Variants in ATG7 observed in about 807,000 individuals in gnomAD.
ATG7 encodes the protein ubiquitin-like modifier-activating enzyme ATG7.
In ATG7, 70 loss-of-function variants were observed where a neutral mutation model predicts 82.4. The observed-to-expected ratio is 0.85, with a 90% CI of 0.70 to 1.04. ATG7 has a LOEUF of 1.04. ATG7 is among the 50% of genes least tolerant of loss of function. The probability of loss-of-function intolerance (pLI) is 0.00; values close to 1 mark genes in which losing one functional copy is unlikely to be tolerated. For synonymous variants in ATG7, 287 were observed against 313.0 expected, an observed-to-expected ratio of 0.92 and a Z score of 0.88; for missense variants, 792 against 864.3, an observed-to-expected ratio of 0.92 and a Z score of 1.05.
At position 11,372,038 on chromosome 3, in the gene ATG7, G is replaced by A. The variant is rs377067652; in HGVS notation, c.1875+7304G>A. Among the ~76,000 whole-genome samples the A allele has an allele frequency of 2.0e-5, 3 of 151,422 alleles. No homozygotes were observed. In the East Asian group the frequency reaches 5.8e-4, roughly 29 times the overall value. ...TGATGCTTTTTGCATGCTGTCTGCC[G>A]TGTTTTCATTCCCCACGGTGAGGAC... On this transcript the variant is annotated intron_variant, in intron 18 of 20. Transcript: ENST00000693202.
At chr3:11,277,893 C>CG (rs1215175411) in intron 1 of ATG7, among the ~76,000 whole-genome samples, 3 of 82,362 alleles carry the variant, frequency 3.6e-5, no homozygotes, top group East Asian at 8.0e-4. Context: ...CTTTATAGAC[C>CG]CCCCCCCCCC....
chr3:11,463,468 A>T (rs1029978860), intron 20 of ATG7, among the ~76,000 whole-genome samples: 6 of 152,132 alleles, frequency 3.9e-5, no homozygotes, highest in African/African-American at 1.4e-4. Context: ...TCCACCCTGG[A>T]TGGGATATTT....
the ATG7 span, among the ~76,000 whole-genome samples, chr3:11,575,668 G>C: frequency 6.6e-6 from 1 of 152,242 alleles, no homozygotes; most frequent in Non-Finnish European, 1.5e-5. Context: ...AGTGATTTTA[G>C]TTAGAGACCT....
At chr3:11,575,265 C>A in the ATG7 span, among the ~76,000 whole-genome samples, 1 of 152,208 alleles carries the variant, frequency 6.6e-6, no homozygotes, top group South Asian at 2.1e-4. Context: ...AGCAAACGGG[C>A]GTCCATTCTG....
chr3:11,427,516 A>G (rs1216404912), intron 20 of ATG7, among the ~76,000 whole-genome samples: 5 of 141,306 alleles, frequency 3.5e-5, no homozygotes, highest in Admixed American at 7.2e-5. Context: ...TTAAAGACTG[A>G]GTTTAAGAAA....
intron 19 of ATG7, among the ~76,000 whole-genome samples, chr3:11,398,239 A>G (rs1458730058): frequency 1.3e-5 from 2 of 152,200 alleles, no homozygotes; most frequent in Admixed American, 1.3e-4. Flanking sequence ...ACTGAAATAT[A>G]GAATACTGCA....
rs1047578467 is a variant in ATG7 at position 11,282,444 on chromosome 3, G to A, written c.-11+6G>A. The A allele has an allele frequency of 6.6e-6, 1 of 152,200 alleles. No individual in the cohort carries two copies. The highest frequency in any genetic ancestry group is 1.5e-5 in the Non-Finnish European group (1 of 68,050). The allele number at this position is 152,200 out of a possible 1,614,324, so 9.4% of individuals were successfully genotyped here. A position where few individuals can be genotyped will look rare whatever the true frequency, so the allele number is the denominator to read the frequency against. ...GATTCAGAGTTGGCTTGGAGGTGAG[G>A]AGGACAACTCACCCATCATAGCAAT... On this transcript the variant is annotated splice_donor_region_variant and intron_variant, in intron 3 of 20. Coordinates refer to ENST00000693202, the MANE Select transcript of ATG7 (RefSeq NM_001349232.2).
At chr3:11,405,262 C>T (rs2080218405) in intron 19 of ATG7, among the ~76,000 whole-genome samples, 1 of 152,304 alleles carries the variant, frequency 6.6e-6, no homozygotes, top group South Asian at 2.1e-4. Context: ...GAAGCTCTGA[C>T]TCTAAACTCC....
chr3:11,469,760 G>A (rs191598373), intron 20 of ATG7, among the ~76,000 whole-genome samples: 13 of 151,862 alleles, frequency 8.6e-5, no homozygotes, highest in African/African-American at 3.1e-4. Context: ...CTGAGGCGGG[G>A]TAGATCATTT....
chr3:11,547,442 G>A (rs1326376690), intron 20 of ATG7, among the ~76,000 whole-genome samples: 4 of 151,958 alleles, frequency 2.6e-5, no homozygotes, highest in East Asian at 3.8e-4. Flanking sequence ...TGAATTCCAC[G>A]TTTAACTTTT....
intron 20 of ATG7, among the ~76,000 whole-genome samples, chr3:11,491,481 C>G (rs1317869624): frequency 3.9e-5 from 6 of 152,230 alleles, no homozygotes; most frequent in Admixed American, 1.3e-4. Flanking sequence ...TCGTCAAAGT[C>G]ATTCTCCGTC....
chr3:11,495,112 G>A (rs1317666385), intron 20 of ATG7, among the ~76,000 whole-genome samples: 1 of 152,062 alleles, frequency 6.6e-6, no homozygotes, highest in Non-Finnish European at 1.5e-5. Context: ...TGTTCTCTAA[G>A]GCCCTGTCCA....
At chr3:11,307,111 G>C in intron 6 of ATG7, 51 bp downstream of exon 6, 9 of 1,540,586 alleles carry the variant, frequency 5.8e-6, no homozygotes, top group Non-Finnish European at 8.1e-6. Flanking sequence ...GGTCCTGGCA[G>C]GTGCAGTGTT....
chr3:11,360,635 C>T lies in ATG7; in HGVS notation c.1534C>T (p.Leu512=), dbSNP rs778556058. Reference sequence around the variant, plus strand: ...CACATTTGTTGTCATGAGACATGGTCTGAAGAAACCAAAGCAGCAAGGAGC... The same window carrying T: ...CACATTTGTTGTCATGAGACATGGTTTGAAGAAACCAAAGCAGCAAGGAGC... ...FDTFVVMRHG[L]KKPKQQGAGD... Residue 512 remains leucine, a synonymous_variant, in exon 16 of 21, where the codon CTG becomes TTG. Transcript: ENST00000693202. 2 of 1,614,160 alleles carry T rather than the reference C, an allele frequency of 1.2e-6. No individual in the cohort carries two copies. The highest frequency in any genetic ancestry group is 2.2e-5 in the South Asian group (2 of 91,080).
chr3:11,547,395 TGG>T (rs1312986513), intron 20 of ATG7, among the ~76,000 whole-genome samples: 1 of 152,220 alleles, frequency 6.6e-6, no homozygotes, highest in African/African-American at 2.4e-5. Flanking sequence ...ATTCATCAGT[TGG>T]TGGAAACTGG....
chr3:11,476,418 CTT>C (rs57639760), intron 20 of ATG7, among the ~76,000 whole-genome samples: 10 of 139,450 alleles, frequency 7.2e-5, no homozygotes, highest in Admixed American at 1.4e-4. Context: ...TGTGGTTTTT[CTT>C]TTTTTTTTTT....
rs144742151 is a variant in ATG7 at position 11,385,016 on chromosome 3, TTTTGTTTGTTTG to T, written c.1956+4984_1956+4995del. On this transcript the variant is annotated intron_variant, in intron 19 of 20. Coordinates refer to ENST00000693202, the MANE Select transcript of ATG7 (RefSeq NM_001349232.2). The stretch of plus-strand genomic sequence containing the variant: ...GTCAACTTAGCTGCTTAAATAGTGT[TTTTGTTTGTTTG>T]TTTGTTTGTTTGTTTGTTTTGGGAC... Among the ~76,000 whole-genome samples, 11 of 151,796 alleles carry T rather than the reference TTTTGTTTGTTTG, an allele frequency of 7.2e-5. No homozygotes were observed. The East Asian group carries it at 9.7e-4, about 13-fold the overall frequency.
At chr3:11,412,452 A>T (rs889886395) in intron 19 of ATG7, among the ~76,000 whole-genome samples, 11 of 152,130 alleles carry the variant, frequency 7.2e-5, no homozygotes, top group Admixed American at 7.2e-4. Context: ...CTTGTCAAAA[A>T]TTGAGACTGT....
chr3:11,298,768 G>A lies in ATG7; in HGVS notation c.73G>A (p.Gly25Arg). Residue 25 changes from glycine (G) to arginine (R), a missense_variant, in exon 4 of 21, where the codon GGG becomes AGG. Transcript: ENST00000693202. Reference sequence around the variant, plus strand: ...CCCTTTTAGTAGTGCCTTGGATGTTGGGTTTTGGCATGAGTTGACCCAGAA... The same window carrying A: ...CCCTTTTAGTAGTGCCTTGGATGTTAGGTTTTGGCATGAGTTGACCCAGAA... Reference protein sequence around the residue: ...FAPFSSALDVGFWHELTQKKL... With the variant: ...FAPFSSALDVRFWHELTQKKL... 6.2e-7 allele frequency: 1 copy of A among 1,614,162 alleles called. No homozygotes were observed. The highest frequency in any genetic ancestry group is 2.2e-5 in the East Asian group (1 of 44,872).
Sources: gnomAD v4.1 joint callset for allele counts (sites outside exome capture counted in the v4.1 genomes callset) on GRCh38, gnomAD v4.1.1 for gene constraint, MANE v1.5 for transcripts, NCBI Gene and HGNC (gene_info 2026-07-23, HGNC 2026-07-21) for gene names.